Variants in ARHGAP42 observed in about 807,000 individuals in gnomAD.
The protein encoded by ARHGAP42 is rho GTPase-activating protein 42.
Under a neutral mutation model 125.0 loss-of-function variants are expected in ARHGAP42, and 63 were observed. The ratio of observed to expected loss-of-function variants is 0.50; its 90% CI spans 0.41 to 0.62. ARHGAP42 has a LOEUF of 0.62. ARHGAP42 is among the 20% of genes least tolerant of loss of function. The probability of loss-of-function intolerance (pLI) is 0.00; values close to 1 mark genes in which losing one functional copy is unlikely to be tolerated. For missense variants in ARHGAP42, 766 were observed against 1,024.2 expected (o/e 0.75, Z 3.44); for synonymous variants, 339 against 351.0 (o/e 0.97, Z 0.38).
chr11:100,959,390 G>A (rs549049074), intron 12 of ARHGAP42, among the ~76,000 whole-genome samples: 18 of 152,000 alleles, frequency 1.2e-4, no homozygotes, highest in Non-Finnish European at 2.4e-4. Flanking sequence ...AATCAGACCC[G>A]AGTTTGAATC....
intron 4 of ARHGAP42, among the ~76,000 whole-genome samples, chr11:100,901,709 A>AC (rs1297604612): frequency 6.6e-6 from 1 of 152,120 alleles, no homozygotes; most frequent in African/African-American, 2.4e-5. Flanking sequence ...TGGGCATGGG[A>AC]CCCCCTGAGC....
chr11:100,943,682 C>A, intron 9 of ARHGAP42, 77 bp from the exon 10 acceptor site: 2 of 1,006,890 alleles, frequency 2.0e-6, no homozygotes, highest in Non-Finnish European at 2.9e-6. Context: ...TTTAATGTGG[C>A]AACTTGAGCT....
chr11:100,791,184 T>C (rs1863560177), intron 2 of ARHGAP42, among the ~76,000 whole-genome samples: 1 of 152,172 alleles, frequency 6.6e-6, no homozygotes. Flanking sequence ...AACCCTGGCC[T>C]CTCATGTCTA....
intron 3 of ARHGAP42, among the ~76,000 whole-genome samples, chr11:100,835,080 A>G (rs2135100671): frequency 6.6e-6 from 1 of 152,182 alleles, no homozygotes; most frequent in South Asian, 2.1e-4. Flanking sequence ...TGTGTCAAAT[A>G]GTGTCGAGGT....
At chr11:100,696,347 T>G (rs1326537842) in intron 1 of ARHGAP42, among the ~76,000 whole-genome samples, 1 of 152,166 alleles carries the variant, frequency 6.6e-6, no homozygotes, top group Non-Finnish European at 1.5e-5. Flanking sequence ...TTTTTATTTT[T>G]TATTTTATCT....
rs148362739 is a variant in ARHGAP42, at chr11:100,893,335, T to C, written c.385-20117T>C. On this transcript the variant is annotated intron_variant, in intron 4 of 23. Transcript: ENST00000298815. ...TGATATGGAGAGAAAATATTTGAAG[T>C]ATAGGAAAGAACAAATAGATAATGC... 1.6e-4 allele frequency among the ~76,000 whole-genome samples: 25 copies of C among 152,260 alleles called. No homozygotes were observed. In the East Asian group the frequency reaches 4.1e-3, roughly 25 times the overall value.
chr11:100,693,119 A>G (rs1254456146), intron 1 of ARHGAP42, among the ~76,000 whole-genome samples: 3 of 148,486 alleles, frequency 2.0e-5, no homozygotes, highest in Non-Finnish European at 4.4e-5. Flanking sequence ...AAGAACTGCC[A>G]TTGTTTTAGG....
At chr11:100,722,036 G>A (rs1007795280) in intron 1 of ARHGAP42, among the ~76,000 whole-genome samples, 2 of 152,156 alleles carry the variant, frequency 1.3e-5, no homozygotes, top group Non-Finnish European at 2.9e-5. Context: ...TTTCCAAAGT[G>A]GCTGTACCAT....
Position 100,978,967 on chromosome 11 carries a change from C to A in ARHGAP42, c.2394-20C>A, listed in dbSNP as rs1385407915. 2.6e-6 allele frequency: 4 copies of A among 1,550,916 alleles called. No individual in the cohort carries two copies. The highest frequency in any genetic ancestry group is 3.9e-5 in the Admixed American group (2 of 50,972). ...AATGTGATTGACTTCATGAAACTTG[C>A]ATTTTAAATCATTTTTCAGAGTGGC... On this transcript the variant is annotated intron_variant, in intron 21 of 23. Transcript: ENST00000298815.
Position 100,815,371 on chromosome 11 carries a change from T to C in ARHGAP42, c.312+20205T>C, listed in dbSNP as rs181090177. The stretch of plus-strand genomic sequence containing the variant: ...GCTGGATTGCCTTCAAAAATCACCC[T>C]TTTTAAGGCAAATTGTGTGAAAGAG... On this transcript the variant is annotated intron_variant, in intron 3 of 23. Transcript: ENST00000298815. Among the ~76,000 whole-genome samples, 91 of 152,302 alleles carry C rather than the reference T, an allele frequency of 6.0e-4. 1 individual carries two copies. The East Asian group carries it at 0.013, about 22-fold the overall frequency.
At chr11:100,728,744 A>C (rs1268356941) in intron 1 of ARHGAP42, among the ~76,000 whole-genome samples, 2 of 129,060 alleles carry the variant, frequency 1.5e-5, no homozygotes, top group Non-Finnish European at 3.3e-5. Context: ...ATATATATAT[A>C]TATATATATA....
chr11:100,985,006 T>A (rs188520241), intron 22 of ARHGAP42, among the ~76,000 whole-genome samples: 26 of 152,308 alleles, frequency 1.7e-4, no homozygotes, highest in African/African-American at 6.0e-4. Context: ...TGAAAAGTCA[T>A]GACAGGTAGT....
intron 2 of ARHGAP42, among the ~76,000 whole-genome samples, chr11:100,777,875 G>A (rs1863168243): frequency 6.6e-6 from 1 of 152,136 alleles, no homozygotes; most frequent in Non-Finnish European, 1.5e-5. Flanking sequence ...TTGTCTAGTG[G>A]TATTGTGATA....
intron 3 of ARHGAP42, among the ~76,000 whole-genome samples, chr11:100,804,544 T>A (rs1342721076): frequency 4.6e-5 from 7 of 150,720 alleles, no homozygotes; most frequent in South Asian, 2.1e-4. Context: ...TTTTAATTTT[T>A]AAATTTTTTT....
intron 7 of ARHGAP42, among the ~76,000 whole-genome samples, chr11:100,934,034 G>T (rs993341638): frequency 6.6e-6 from 1 of 152,070 alleles, no homozygotes; most frequent in African/African-American, 2.4e-5. Flanking sequence ...TGATCCACCC[G>T]CCACGGCCTC....
At chr11:100,768,772 G>T (rs1036456827) in intron 1 of ARHGAP42, among the ~76,000 whole-genome samples, 4 of 152,094 alleles carry the variant, frequency 2.6e-5, no homozygotes, top group Non-Finnish European at 4.4e-5. Context: ...CTTAAATAGG[G>T]TTTATTAAGT....
At chr11:100,691,428 G>C (rs548110926) in intron 1 of ARHGAP42, among the ~76,000 whole-genome samples, 2 of 152,000 alleles carry the variant, frequency 1.3e-5, no homozygotes, top group South Asian at 2.1e-4. Flanking sequence ...AGTAAAATGA[G>C]CTTTCTCCTT....
intron 22 of ARHGAP42, among the ~76,000 whole-genome samples, chr11:100,980,959 C>CTTCAGAGTTACAG (rs1324660720): frequency 6.6e-6 from 1 of 152,168 alleles, no homozygotes; most frequent in Admixed American, 6.5e-5. Context: ...GCTCACTCAG[C>CTTCAGAGTTACAG]TCTACCTTCA....
intron 23 of ARHGAP42, 61 bp from the exon 24 acceptor site, chr11:100,988,652 G>T: frequency 7.2e-7 from 1 of 1,380,874 alleles, no homozygotes. Context: ...TAACCCATCT[G>T]TTTATATAAT....
Sources: allele counts gnomAD v4.1 joint callset (sites outside exome capture counted in the v4.1 genomes callset), GRCh38; gene constraint gnomAD v4.1.1; transcripts MANE v1.5; gene names NCBI Gene and HGNC (gene_info 2026-07-23, HGNC 2026-07-21).